ASCC3: variants seen among roughly 807,000 people sequenced by gnomAD.
ASCC3 encodes the protein ASC-1 complex subunit P200.
A neutral mutation model predicts 256.3 loss-of-function variants in ASCC3; 158 were observed. The observed-to-expected ratio is 0.62, with a 90% CI of 0.54 to 0.70. The LOEUF (loss-of-function observed/expected upper bound fraction) is 0.70, where lower values mean the gene tolerates loss of function less well. ASCC3 is among the 30% of genes least tolerant of loss of function. The probability of loss-of-function intolerance (pLI) is 0.00; values close to 1 mark genes in which losing one functional copy is unlikely to be tolerated. For missense variants in ASCC3, 2,259 were observed against 2,626.0 expected (o/e 0.86, Z 3.05); for synonymous variants, 948 against 883.4 (o/e 1.07, Z -1.30).
intron 34 of ASCC3, among the ~76,000 whole-genome samples, chr6:100,597,501 A>G (rs1387522873): frequency 1.3e-5 from 2 of 152,154 alleles, no homozygotes; most frequent in African/African-American, 4.8e-5. Flanking sequence ...GTTGCCAATC[A>G]TAGCTTTTTC....
intron 8 of ASCC3, among the ~76,000 whole-genome samples, chr6:100,797,460 CAAAA>C (rs10550455): frequency 1.2e-5 from 1 of 86,024 alleles, no homozygotes; most frequent in Admixed American, 1.3e-4. Flanking sequence ...AACTCGTTCT[CAAAA>C]AAAAAAAAAA....
intron 30 of ASCC3, among the ~76,000 whole-genome samples, chr6:100,620,273 G>A (rs1335769148): frequency 6.6e-6 from 1 of 152,052 alleles, no homozygotes; most frequent in African/African-American, 2.4e-5. Context: ...CAAAATCCAG[G>A]TCACATGGTA....
intron 33 of ASCC3, among the ~76,000 whole-genome samples, chr6:100,603,839 T>C (rs1359997128): frequency 6.6e-6 from 1 of 152,110 alleles, no homozygotes; most frequent in Non-Finnish European, 1.5e-5. Context: ...TGATTAACTA[T>C]TGTTTGTTTA....
chr6:100,870,532 C>A (rs1267120325), intron 1 of ASCC3, among the ~76,000 whole-genome samples: 1 of 151,912 alleles, frequency 6.6e-6, no homozygotes, highest in Non-Finnish European at 1.5e-5. Context: ...ATATTTATTA[C>A]AAATCAAAAA....
intron 36 of ASCC3, among the ~76,000 whole-genome samples, chr6:100,571,105 G>A (rs1217028951): frequency 1.3e-5 from 2 of 152,050 alleles, no homozygotes; most frequent in Admixed American, 6.5e-5. Context: ...TCCTTACTAT[G>A]GCCCTAGATG....
In ASCC3 at chr6:100,686,762, G is replaced by A. The variant is rs1582696665; in HGVS notation, c.2152-7010C>T. On this transcript the variant is annotated intron_variant, in intron 13 of 41. Transcript: ENST00000369162. ...ATATCTGTTGGATACATTCATAGAA[G>A]TAGAATAGTTAAGTCAAAGTATATA... Among the ~76,000 whole-genome samples the A allele has an allele frequency of 2.0e-5, 3 of 152,070 alleles. No individual in the cohort carries two copies. The East Asian group carries it at 5.8e-4, about 29-fold the overall frequency.
chr6:100,780,923 A>T (rs1229139958), intron 8 of ASCC3, among the ~76,000 whole-genome samples: 1 of 152,232 alleles, frequency 6.6e-6, no homozygotes, highest in Non-Finnish European at 1.5e-5. Context: ...TTACAAATAC[A>T]TCACCTGATC....
chr6:100,699,164 T>C (rs1461173169), intron 13 of ASCC3, among the ~76,000 whole-genome samples: 1 of 152,228 alleles, frequency 6.6e-6, no homozygotes, highest in Non-Finnish European at 1.5e-5. Flanking sequence ...GGTTTGGCTG[T>C]GTCCCCACAC....
chr6:100,755,279 G>C (rs1781125661), intron 10 of ASCC3, among the ~76,000 whole-genome samples: 1 of 151,964 alleles, frequency 6.6e-6, no homozygotes, highest in South Asian at 2.1e-4. Context: ...TTTGGAAAAT[G>C]CTAAGTTTAT....
intron 13 of ASCC3, among the ~76,000 whole-genome samples, chr6:100,685,833 C>T (rs1777543712): frequency 6.6e-6 from 1 of 152,114 alleles, no homozygotes; most frequent in Non-Finnish European, 1.5e-5. Context: ...TTGTGCATGC[C>T]GTAGATCCAA....
chr6:100,543,235 T>C (rs1775549763), intron 36 of ASCC3, among the ~76,000 whole-genome samples: 1 of 152,116 alleles, frequency 6.6e-6, no homozygotes, highest in South Asian at 2.1e-4. Flanking sequence ...ACGTAAATGC[T>C]ATGTACATAG....
intron 13 of ASCC3, among the ~76,000 whole-genome samples, chr6:100,712,272 A>C (rs1778885658): frequency 6.6e-6 from 1 of 152,190 alleles, no homozygotes; most frequent in Non-Finnish European, 1.5e-5. Context: ...GACTTTATTA[A>C]AATTTATAAC....
chr6:100,850,145 T>A (rs1772595063), intron 3 of ASCC3, among the ~76,000 whole-genome samples: 1 of 150,402 alleles, frequency 6.6e-6, no homozygotes, highest in Non-Finnish European at 1.5e-5. Context: ...TCCAGTATCA[T>A]TATTCACAAA....
At chr6:100,805,572 CA>C (rs1366605686) in intron 5 of ASCC3, among the ~76,000 whole-genome samples, 187 bp downstream of exon 5, 1 of 152,080 alleles carries the variant, frequency 6.6e-6, no homozygotes, top group Non-Finnish European at 1.5e-5. Flanking sequence ...CATACCCAAA[CA>C]CTGCCCTCCT....
At position 100,662,553 on chromosome 6, in the gene ASCC3, C is replaced by G; in HGVS notation, c.2287-17G>C. 6.2e-7 allele frequency: 1 copy of G among 1,610,332 alleles called. No individual in the cohort carries two copies. Among genetic ancestry groups the G allele is most frequent in the Non-Finnish European group, 8.5e-7 (1 of 1,177,258 alleles). On this transcript the variant is annotated splice_polypyrimidine_tract_variant and intron_variant, in intron 14 of 41. Transcript: ENST00000369162. ...CCTTTGTACCTAGATACCAAGAAAGCGTAAGAGTATTATTTAGCATTTAAA... is the reference window on the plus strand; with the variant it reads ...CCTTTGTACCTAGATACCAAGAAAGGGTAAGAGTATTATTTAGCATTTAAA...
intron 13 of ASCC3, among the ~76,000 whole-genome samples, chr6:100,698,267 G>T (rs943634062): frequency 6.6e-6 from 1 of 151,986 alleles, no homozygotes; most frequent in Non-Finnish European, 1.5e-5. Flanking sequence ...ATTGTTAATA[G>T]CAATGAAGAA....
intron 14 of ASCC3, 124 bp downstream of exon 14, chr6:100,679,494 T>C: frequency 1.4e-6 from 2 of 1,383,670 alleles, no homozygotes; most frequent in South Asian, 1.2e-5. Flanking sequence ...AAAGTCAAGA[T>C]TATAACATCA....
intron 8 of ASCC3, among the ~76,000 whole-genome samples, chr6:100,790,340 A>G (rs1769293424): frequency 6.6e-6 from 1 of 151,974 alleles, no homozygotes; most frequent in Non-Finnish European, 1.5e-5. Flanking sequence ...CTGGATAGCA[A>G]GCTTCTTAAA....
rs142497517 is a variant in ASCC3 at position 100,513,002 on chromosome 6, G to A, written c.6076-84C>T. Reference sequence around the variant, plus strand: ...ATTAAGAAATAGTGTGCTTTTAGACGAAAATTAACCTTTTAATGTTGAGAT... The same window carrying A: ...ATTAAGAAATAGTGTGCTTTTAGACAAAAATTAACCTTTTAATGTTGAGAT... On this transcript the variant is annotated intron_variant, in intron 39 of 41. Transcript: ENST00000369162. The A allele has an allele frequency of 3.6e-3, 4,388 of 1,210,274 alleles. 22 individuals are homozygous for A. Among genetic ancestry groups the A allele is most frequent in the Non-Finnish European group, 4.2e-3 (3,599 of 848,954 alleles). 75.0% of individuals were successfully genotyped at this position (1,210,274 alleles called of 1,614,324 possible). A position where few individuals can be genotyped will look rare whatever the true frequency, so the allele number is the denominator to read the frequency against.
Sources: allele counts gnomAD v4.1 joint callset (sites outside exome capture counted in the v4.1 genomes callset), GRCh38; gene constraint gnomAD v4.1.1; transcripts MANE v1.5; gene names NCBI Gene and HGNC (gene_info 2026-07-23, HGNC 2026-07-21).